ZNF469: variants seen among roughly 807,000 people sequenced by gnomAD.
ZNF469 encodes zinc finger protein 469.
In ZNF469, 1 loss-of-function variant was observed where a neutral mutation model predicts 1.0. The observed-to-expected ratio is 1.00, with a 90% CI of 0.35 to 4.73. ZNF469 has a LOEUF of 4.73. Ranked by LOEUF, ZNF469 falls within the 30% of genes most tolerant of loss-of-function variation. The pLI is 0.16. For missense variants in ZNF469, 6,100 were observed against 5,356.3 expected (o/e 1.14, Z -4.33); for synonymous variants, 2,703 against 2,363.4 (o/e 1.14, Z -4.17).
the ZNF469 span, among the ~76,000 whole-genome samples, chr16:88,300,056 CG>C: frequency 6.6e-6 from 1 of 152,180 alleles, no homozygotes; most frequent in African/African-American, 2.4e-5. Flanking sequence ...GAGGAAGGAA[CG>C]GGAGAAGGGC....
Position 88,430,202 on chromosome 16 carries a change from C to G in ZNF469, c.2732C>G (p.Pro911Arg). Residue 911 changes from proline to arginine, a missense_variant, in exon 3 of 3, where the codon CCC becomes CGC. Transcript: ENST00000565624. Reference sequence around the variant, plus strand: ...GCAGCCACGCCGGACCCCCAAACCCCCCGCCCTGGGGACAGGGGCTGCCCA... The same window carrying G: ...GCAGCCACGCCGGACCCCCAAACCCGCCGCCCTGGGGACAGGGGCTGCCCA... ...LPAATPDPQT[P>R]RPGDRGCPAR... is the part of the protein sequence containing the mutation. The G allele has an allele frequency of 3.2e-6, 5 of 1,546,308 alleles. No individual in the cohort carries two copies. In the South Asian group the frequency reaches 6.0e-5, roughly 18 times the overall value.
chr16:88,192,603 C>A, the ZNF469 span, among the ~76,000 whole-genome samples: 1 of 152,252 alleles, frequency 6.6e-6, no homozygotes, highest in Non-Finnish European at 1.5e-5. Flanking sequence ...GGTCCACAGT[C>A]CAAGTCACAC....
At chr16:88,302,300 G>C in the ZNF469 span, 2 of 152,234 alleles carry the variant, frequency 1.3e-5, no homozygotes, top group Admixed American at 6.5e-5. Flanking sequence ...TGATATTAAT[G>C]ATAAAAATGC....
the ZNF469 span, among the ~76,000 whole-genome samples, chr16:88,106,202 C>T: frequency 2.6e-5 from 4 of 152,352 alleles, no homozygotes; most frequent in Admixed American, 2.0e-4. Flanking sequence ...AGCCTCCACC[C>T]GCGCCCCCAC....
At chr16:88,411,002 C>T (rs1411658858) in intron 1 of ZNF469, among the ~76,000 whole-genome samples, 2 of 152,180 alleles carry the variant, frequency 1.3e-5, no homozygotes, top group African/African-American at 2.4e-5. Flanking sequence ...CTCCTGCGTC[C>T]GTCTCCCTTC....
the ZNF469 span, among the ~76,000 whole-genome samples, chr16:88,313,285 T>C: frequency 6.6e-6 from 1 of 152,262 alleles, no homozygotes; most frequent in African/African-American, 2.4e-5. Flanking sequence ...TAACCAGTCA[T>C]CTTCATGAAC....
the ZNF469 span, among the ~76,000 whole-genome samples, chr16:88,140,362 G>A: frequency 2.6e-5 from 4 of 151,210 alleles, no homozygotes; most frequent in South Asian, 2.1e-4. Context: ...ACGGAGCCAC[G>A]TAGAAATCGG....
At chr16:88,229,479 G>C in the ZNF469 span, among the ~76,000 whole-genome samples, 5,188 of 152,352 alleles carry the variant, frequency 0.034, 151 homozygotes, top group Non-Finnish European at 0.049. Context: ...TGGTCATTAC[G>C]TGCGGTGCTT....
chr16:88,137,229 C>G, the ZNF469 span, among the ~76,000 whole-genome samples: 1 of 152,138 alleles, frequency 6.6e-6, no homozygotes, highest in Non-Finnish European at 1.5e-5. Context: ...GCATGTATAC[C>G]ACCACACATG....
chr16:88,126,678 A>G, the ZNF469 span, among the ~76,000 whole-genome samples: 1 of 150,280 alleles, frequency 6.7e-6, no homozygotes, highest in Non-Finnish European at 1.5e-5. Context: ...TTTTGAGACA[A>G]AGTCTTGCTC....
chr16:88,353,549 T>C, the ZNF469 span, among the ~76,000 whole-genome samples: 1 of 152,208 alleles, frequency 6.6e-6, no homozygotes, highest in East Asian at 1.9e-4. Flanking sequence ...GGCTCACTGC[T>C]GCCTGCCCAG....
Position 88,439,778 on chromosome 16 carries a change from G to C in ZNF469, c.*446G>C, listed in dbSNP as rs1906871615. The C allele has an allele frequency of 4.2e-6, 1 of 237,314 alleles. No homozygotes were observed. Among genetic ancestry groups the C allele is most frequent in the South Asian group, 5.7e-5 (1 of 17,630 alleles). 14.7% of individuals were successfully genotyped at this position (237,314 alleles called of 1,614,324 possible). ...GTTCCCTCTTAGTCTTGCTGCTGTTGCTGGAATTCCAAAGTGACCTTAGAA... is the reference window on the plus strand; with the variant it reads ...GTTCCCTCTTAGTCTTGCTGCTGTTCCTGGAATTCCAAAGTGACCTTAGAA... On this transcript the variant is annotated 3_prime_UTR_variant, in exon 3 of 3. Coordinates refer to ENST00000565624, the MANE Select transcript of ZNF469 (RefSeq NM_001367624.2).
chr16:88,263,916 G>T, the ZNF469 span, among the ~76,000 whole-genome samples: 2 of 152,044 alleles, frequency 1.3e-5, no homozygotes, highest in Non-Finnish European at 2.9e-5. Context: ...GACCTGCGTG[G>T]CCATGAGACC....
the ZNF469 span, among the ~76,000 whole-genome samples, chr16:88,351,721 C>T: frequency 3.9e-5 from 6 of 152,134 alleles, no homozygotes; most frequent in South Asian, 2.1e-4. Flanking sequence ...AGGCCCCAGC[C>T]GGAGCTCCTC....
chr16:88,236,911 G>A, the ZNF469 span, among the ~76,000 whole-genome samples: 1 of 151,922 alleles, frequency 6.6e-6, no homozygotes, highest in African/African-American at 2.4e-5. Flanking sequence ...GCTCTGCCAA[G>A]CAAACCAGCA....
the ZNF469 span, among the ~76,000 whole-genome samples, chr16:88,129,302 G>T: frequency 3.9e-5 from 6 of 152,320 alleles, no homozygotes; most frequent in Middle Eastern, 3.4e-3. Flanking sequence ...AGCCATCACG[G>T]CAGCCTCTCG....
At chr16:88,146,391 G>A in the ZNF469 span, among the ~76,000 whole-genome samples, 1 of 152,186 alleles carries the variant, frequency 6.6e-6, no homozygotes, top group African/African-American at 2.4e-5. Flanking sequence ...CTGGGGTCAG[G>A]AGGAGCCATG....
the ZNF469 span, among the ~76,000 whole-genome samples, chr16:88,316,607 C>A: frequency 2.2e-5 from 3 of 135,140 alleles, no homozygotes; most frequent in African/African-American, 8.4e-5. Flanking sequence ...AGTGCAGTGA[C>A]ACGATCTTGG....
chr16:88,103,574 G>C, the ZNF469 span, among the ~76,000 whole-genome samples: 2 of 152,210 alleles, frequency 1.3e-5, no homozygotes, highest in Non-Finnish European at 1.5e-5. Context: ...CCCTTGGGGG[G>C]GATCAGGAGA....
Sources: gnomAD v4.1 joint callset for allele counts (sites outside exome capture counted in the v4.1 genomes callset) on GRCh38, gnomAD v4.1.1 for gene constraint, MANE v1.5 for transcripts, NCBI Gene and HGNC (gene_info 2026-07-23, HGNC 2026-07-21) for gene names.